SLC12A6: variants seen among roughly 807,000 people sequenced by gnomAD.
SLC12A6 encodes solute carrier family 12 member 6, also known as K-Cl cotransporter 3.
A neutral mutation model predicts 135.3 loss-of-function variants in SLC12A6; 66 were observed. That is an observed-to-expected ratio of 0.49 (90% CI 0.40 to 0.60). The LOEUF (loss-of-function observed/expected upper bound fraction) is 0.60. Ranked by LOEUF, SLC12A6 falls within the 20% of genes least tolerant of loss-of-function variation. The pLI is 0.00. For missense variants in SLC12A6, 1,058 were observed against 1,452.3 expected (o/e 0.73, Z 4.41); for synonymous variants, 513 against 508.8 (o/e 1.01, Z -0.11).
At chr15:34,334,545 T>C (rs1890075449) in intron 2 of SLC12A6, among the ~76,000 whole-genome samples, 1 of 152,086 alleles carries the variant, frequency 6.6e-6, no homozygotes, top group African/African-American at 2.4e-5. Flanking sequence ...ACAGTCATCA[T>C]AAGAATTTTT....
chr15:34,239,191 C>T, intron 19 of SLC12A6, 31 bp from the exon 20 acceptor site: 1 of 1,460,812 alleles, frequency 6.8e-7, no homozygotes, highest in Non-Finnish European at 9.6e-7. Context: ...CAACACTGAA[C>T]TGGTTCACTC....
intron 2 of SLC12A6, among the ~76,000 whole-genome samples, chr15:34,317,582 A>C (rs996318571): frequency 7.1e-6 from 1 of 140,620 alleles, no homozygotes; most frequent in East Asian, 1.9e-4. Flanking sequence ...AGGCATCTGT[A>C]ATCCCAGCTA....
At chr15:34,301,119 C>A (rs1337781358) in intron 2 of SLC12A6, among the ~76,000 whole-genome samples, 1 of 152,042 alleles carries the variant, frequency 6.6e-6, no homozygotes, top group Non-Finnish European at 1.5e-5. Context: ...GAGGCATGCA[C>A]CACCACACCT....
At chr15:34,276,177 CA>C (rs1237933691) in intron 2 of SLC12A6, among the ~76,000 whole-genome samples, 1 of 151,982 alleles carries the variant, frequency 6.6e-6, no homozygotes, top group Non-Finnish European at 1.5e-5. Flanking sequence ...CAAATTTGAC[CA>C]AGCAGTCGTT....
In SLC12A6 at chr15:34,256,120, G is replaced by C. The variant is rs576801164; in HGVS notation, c.745+109C>G. 5.2e-6 allele frequency: 4 copies of C among 766,070 alleles called. No homozygotes were observed. The South Asian group carries it at 5.7e-5, about 11-fold the overall frequency. The allele number at this position is 766,070 out of a possible 1,614,324, so 47.5% of individuals were successfully genotyped here. A position where few individuals can be genotyped will look rare whatever the true frequency, so the allele number is the denominator to read the frequency against. ...TAGACCATTACTCTGTTGTAGCACA[G>C]AACAGACCAAATAGTATTCTATTCT... On this transcript the variant is annotated intron_variant, in intron 7 of 25. Transcript: ENST00000354181.
chr15:34,254,228 T>A (rs1252571460), intron 9 of SLC12A6, 120 bp downstream of exon 9: 3 of 1,051,850 alleles, frequency 2.9e-6, no homozygotes, highest in Non-Finnish European at 4.4e-6. Context: ...CTAACTGGGC[T>A]TATCTGAGAG....
intron 15 of SLC12A6, among the ~76,000 whole-genome samples, chr15:34,244,922 T>G (rs918060017): frequency 6.6e-6 from 1 of 152,242 alleles, no homozygotes. Context: ...CATAAGATTG[T>G]GTCTTATCCA....
chr15:34,236,939 A>AC (rs1370246454), intron 22 of SLC12A6, 124 bp from the exon 23 acceptor site: 1 of 701,722 alleles, frequency 1.4e-6, no homozygotes, highest in South Asian at 1.5e-5. Flanking sequence ...CCTAAGCTTC[A>AC]CCCTTACTTT....
At chr15:34,331,654 T>A (rs1410075760) in intron 2 of SLC12A6, among the ~76,000 whole-genome samples, 2 of 152,210 alleles carry the variant, frequency 1.3e-5, no homozygotes, top group African/African-American at 4.8e-5. Context: ...TGATTTTGTA[T>A]CCTTGTCCTC....
intron 2 of SLC12A6, among the ~76,000 whole-genome samples, chr15:34,328,729 A>G (rs1889638644): frequency 6.6e-6 from 1 of 152,162 alleles, no homozygotes; most frequent in Non-Finnish European, 1.5e-5. Context: ...AAGCCAATAC[A>G]AAAGTTAGCT....
In SLC12A6 at chr15:34,245,286, T is replaced by G. The variant is rs1286446501; in HGVS notation, c.1942A>C (p.Met648Leu). The change falls in exon 15 of 26, where the codon ATG becomes CTG. Residue 648 changes from methionine (M) to leucine (L), a missense_variant and splice_region_variant. This residue lies in a region of SLC12A6 where 170 missense variants were observed against 297.6 expected (regional missense o/e 0.57). Transcript: ENST00000354181. ...CTGAAGAGAATCACTGGCTCTTACA[T>G]GGAAAGAATTGGGGCCACAAGATCC... ...SLDLVAPILS[M>L]FFLMCYLFVN... 1 of 1,480,446 alleles carries G rather than the reference T, an allele frequency of 6.8e-7. No homozygotes were observed. Among genetic ancestry groups the G allele is most frequent in the Non-Finnish European group, 9.5e-7 (1 of 1,057,776 alleles). 91.7% of individuals were successfully genotyped at this position (1,480,446 alleles called of 1,614,324 possible). A position where few individuals can be genotyped will look rare whatever the true frequency, so the allele number is the denominator to read the frequency against.
chr15:34,260,566 T>G (rs553309530), intron 4 of SLC12A6, among the ~76,000 whole-genome samples: 1 of 152,242 alleles, frequency 6.6e-6, no homozygotes, highest in South Asian at 2.1e-4. Flanking sequence ...CCTTGTTTAG[T>G]TAGTTCTAAG....
chr15:34,242,448 T>C (rs1229445678), intron 16 of SLC12A6, among the ~76,000 whole-genome samples: 1 of 152,236 alleles, frequency 6.6e-6, no homozygotes, highest in East Asian at 1.9e-4. Flanking sequence ...TAAATGATTA[T>C]TCTCAATTCT....
At chr15:34,264,765 T>C (rs1020885200) in intron 3 of SLC12A6, among the ~76,000 whole-genome samples, 6 of 152,240 alleles carry the variant, frequency 3.9e-5, no homozygotes, top group Non-Finnish European at 1.5e-5. Flanking sequence ...GTAACATTGA[T>C]GAAGCTGGGT....
At chr15:34,299,223 T>C (rs1464847674) in intron 2 of SLC12A6, among the ~76,000 whole-genome samples, 1 of 152,172 alleles carries the variant, frequency 6.6e-6, no homozygotes, top group Non-Finnish European at 1.5e-5. Flanking sequence ...TATAAATAGA[T>C]TGTGGTTTAC....
At chr15:34,289,340 G>T (rs1895351134) in intron 2 of SLC12A6, among the ~76,000 whole-genome samples, 1 of 152,190 alleles carries the variant, frequency 6.6e-6, no homozygotes, top group Non-Finnish European at 1.5e-5. Context: ...AAGCCCACGT[G>T]CTCATGGTGG....
In SLC12A6 at chr15:34,258,878, T is replaced by G. The variant is rs763040333; in HGVS notation, c.478A>C (p.Thr160Pro). The G allele has an allele frequency of 6.2e-7, 1 of 1,612,810 alleles. No homozygotes were observed. The highest frequency in any genetic ancestry group is 8.5e-7 in the Non-Finnish European group (1 of 1,178,800). The change falls in exon 5 of 26, where the codon ACT becomes CCT. Residue 160 changes from threonine (T) to proline (P), a missense_variant. Thr to Pro is a conservative substitution (Grantham distance 38). Around this residue, in one of 6 missense-constraint regions of SLC12A6, gnomAD observed 139 missense variants for 202.2 expected, o/e 0.69. Transcript: ENST00000354181. ...LNRMANYTNL[T>P]QGAKEHEEAE... ...TCTTCATGTTCCTTTGCTCCTTGAG[T>G]CAGATTAGTGTAATTGGCCATGCGG...
chr15:34,265,974 T>C (rs938401529), intron 3 of SLC12A6, among the ~76,000 whole-genome samples: 23 of 149,580 alleles, frequency 1.5e-4, no homozygotes, highest in African/African-American at 4.7e-4. Flanking sequence ...AGTGTGCTAA[T>C]AGTTCATTTG....
chr15:34,318,881 GT>G, intron 2 of SLC12A6: 2 of 1,351,362 alleles, frequency 1.5e-6, no homozygotes, highest in Non-Finnish European at 1.9e-6. Context: ...CTTCCACAGT[GT>G]TTATCATTCA....
Sources: allele counts gnomAD v4.1 joint callset (sites outside exome capture counted in the v4.1 genomes callset), GRCh38; gene constraint gnomAD v4.1.1; regional missense constraint gnomAD v4.1.1; transcripts MANE v1.5; gene names NCBI Gene and HGNC (gene_info 2026-07-23, HGNC 2026-07-21).